Variants in STARD9 observed in about 807,000 individuals in gnomAD.
STARD9 encodes the protein StAR related lipid transfer domain containing 9, also known as stAR-related lipid transfer protein 9.
A neutral mutation model predicts 399.8 loss-of-function variants in STARD9; 346 were observed. That is an observed-to-expected ratio of 0.87 (90% CI 0.79 to 0.95). The LOEUF is 0.95. Ranked by LOEUF, STARD9 falls within the 40% of genes least tolerant of loss-of-function variation. STARD9 has a pLI of 0.00. For missense variants in STARD9, 5,832 were observed against 5,667.5 expected, an observed-to-expected ratio of 1.03 and a Z score of -0.93; for synonymous variants, 2,203 against 2,143.5, an observed-to-expected ratio of 1.03 and a Z score of -0.77.
intron 9 of STARD9, among the ~76,000 whole-genome samples, chr15:42,659,629 C>A (rs2059954983): frequency 6.6e-6 from 1 of 152,126 alleles, no homozygotes; most frequent in Non-Finnish European, 1.5e-5. Flanking sequence ...TGGCTTCATG[C>A]CATTTTCCTC....
At chr15:42,633,668 G>C (rs988957594) in intron 3 of STARD9, among the ~76,000 whole-genome samples, 1 of 148,274 alleles carries the variant, frequency 6.7e-6, no homozygotes, top group African/African-American at 2.5e-5. Context: ...TTTTGAGATG[G>C]AGTCTCACTC....
chr15:42,659,432 G>A (rs1053794915), intron 9 of STARD9, among the ~76,000 whole-genome samples: 5 of 152,206 alleles, frequency 3.3e-5, no homozygotes, highest in African/African-American at 4.8e-5. Flanking sequence ...AGCAAGTTGT[G>A]TAGGAGCAGG....
intron 26 of STARD9, among the ~76,000 whole-genome samples, chr15:42,704,624 C>A (rs1451225518): frequency 6.6e-6 from 1 of 152,192 alleles, no homozygotes; most frequent in African/African-American, 2.4e-5. Flanking sequence ...CTGTTACAGA[C>A]TCCAATGTCC....
chr15:42,685,501 C>T lies in STARD9; in HGVS notation c.3923C>T (p.Ser1308Leu). 1 of 1,536,264 alleles carries T rather than the reference C, an allele frequency of 6.5e-7. No homozygotes were observed. The highest frequency in any genetic ancestry group is 8.7e-7 in the Non-Finnish European group (1 of 1,146,264). ...CAGCCCCATTGTGAGCAGGCTGAAT[C>T]ACAGGTAGAGCCAAGCTACTCTGAA... ...ELQPHCEQAE[S>L]QVEPSYSEQA... is the part of the protein sequence containing the mutation. The change falls in exon 23 of 33, where the codon TCA (serine) becomes TTA (leucine). Residue 1308 changes from serine (S) to leucine (L), a missense_variant. Around this residue, in one of 2 missense-constraint regions of STARD9, gnomAD observed 5,828 missense variants for 5,651.1 expected, o/e 1.03. Coordinates refer to ENST00000290607, the MANE Select transcript of STARD9 (RefSeq NM_020759.3).
At position 42,688,768 on chromosome 15, in the gene STARD9, G is replaced by C; in HGVS notation, c.7190G>C (p.Arg2397Thr). The C allele has an allele frequency of 3.9e-6, 6 of 1,537,672 alleles. No individual in the cohort carries two copies. The highest frequency in any genetic ancestry group is 5.2e-6 in the Non-Finnish European group (6 of 1,147,008). Residue 2397 changes from arginine (R) to threonine (T), a missense_variant, in exon 23 of 33, where the codon AGA (arginine) becomes ACA (threonine). Physicochemically the swap from Arg to Thr is moderately conservative, Grantham distance 71. This residue lies in a region of STARD9 where 5,828 missense variants were observed against 5,651.1 expected (regional missense o/e 1.03). Transcript: ENST00000290607. ...TRSHSPEGNV[R>T]GRSSEAHTAW... ...AGCCACAGCCCCGAAGGAAATGTTA[G>C]AGGGCGTTCCTCTGAGGCACACACT... is the stretch of plus-strand genomic sequence containing the variant.
chr15:42,583,251 G>A lies in STARD9; in HGVS notation c.48-95G>A, dbSNP rs1006791224. On this transcript the variant is annotated intron_variant, in intron 1 of 32. Transcript: ENST00000290607. ...AGACGCTTCTCTTAAGGGTACAGCA[G>A]TAGGGAAATATTTTGTCCCACTAGC... 7.0e-6 allele frequency: 6 copies of A among 859,908 alleles called. No homozygotes were observed. The Admixed American group carries it at 7.6e-5, about 11-fold the overall frequency. 53.3% of individuals were successfully genotyped at this position (859,908 alleles called of 1,614,324 possible). A position where few individuals can be genotyped will look rare whatever the true frequency, so the allele number is the denominator to read the frequency against.
intron 3 of STARD9, among the ~76,000 whole-genome samples, chr15:42,600,038 T>C (rs996346754): frequency 1.3e-5 from 2 of 152,158 alleles, no homozygotes; most frequent in African/African-American, 4.8e-5. Flanking sequence ...GTACACCATG[T>C]GTTTGAGGGG....
rs1370001426 is a variant in STARD9 at position 42,687,726 on chromosome 15, C to G, written c.6148C>G (p.Leu2050Val). Residue 2050 changes from leucine (L) to valine (V), a missense_variant, in exon 23 of 33, where the codon CTA becomes GTA. Transcript: ENST00000290607. ...TAATAATACTGATGAAATGGCTAGG[C>G]TAATTAGGAGTGTAATGCAGCTGGA... ...RVNNTDEMAR[L>V]IRSVMQLENG... The G allele has an allele frequency of 6.5e-7, 1 of 1,537,400 alleles. No individual in the cohort carries two copies. The highest frequency in any genetic ancestry group is 1.2e-5 in the South Asian group (1 of 84,060).
intron 27 of STARD9, 77 bp from the exon 28 acceptor site, chr15:42,716,850 G>A: frequency 6.5e-7 from 1 of 1,528,356 alleles, no homozygotes; most frequent in East Asian, 2.4e-5. Flanking sequence ...GTGAGTCACT[G>A]GTCTGTGGGA....
At chr15:42,715,015 T>C (rs1342038809) in intron 26 of STARD9, among the ~76,000 whole-genome samples, 2 of 151,386 alleles carry the variant, frequency 1.3e-5, no homozygotes, top group East Asian at 3.9e-4. Context: ...AGTGAGAAAA[T>C]AGGGCCTAGG....
At chr15:42,620,130 C>G (rs2059057824) in intron 3 of STARD9, among the ~76,000 whole-genome samples, 1 of 152,158 alleles carries the variant, frequency 6.6e-6, no homozygotes, top group Non-Finnish European at 1.5e-5. Flanking sequence ...CTGGACTACT[C>G]TTTGTGGTTT....
intron 1 of STARD9, chr15:42,581,361 A>G (rs2058165402): frequency 5.5e-6 from 8 of 1,460,672 alleles, no homozygotes; most frequent in Non-Finnish European, 7.6e-6. Context: ...TGTGGTGGAG[A>G]AGAGCGTCCC....
intron 7 of STARD9, among the ~76,000 whole-genome samples, chr15:42,647,979 G>C (rs2059678088): frequency 2.0e-5 from 3 of 152,136 alleles, no homozygotes; most frequent in Non-Finnish European, 4.4e-5. Flanking sequence ...CTTCTTCCCA[G>C]ACAATAAACC....
intron 3 of STARD9, among the ~76,000 whole-genome samples, chr15:42,612,008 G>A (rs759546366): frequency 4.6e-5 from 7 of 152,122 alleles, no homozygotes; most frequent in Middle Eastern, 3.4e-3. Flanking sequence ...TCACTCTGTC[G>A]TCCAGGCTGG....
At chr15:42,651,985 C>G (rs1428265899) in intron 8 of STARD9, among the ~76,000 whole-genome samples, 1 of 152,192 alleles carries the variant, frequency 6.6e-6, no homozygotes, top group East Asian at 1.9e-4. Context: ...TGAATTCCGC[C>G]TGGCTTAAGC....
At chr15:42,626,078 C>T (rs1195462422) in intron 3 of STARD9, among the ~76,000 whole-genome samples, 1 of 152,028 alleles carries the variant, frequency 6.6e-6, no homozygotes, top group African/African-American at 2.4e-5. Context: ...CCTGCCACCA[C>T]GCCTGGCTAA....
At chr15:42,683,194 T>C (rs1343010657) in intron 22 of STARD9, among the ~76,000 whole-genome samples, 1 of 152,258 alleles carries the variant, frequency 6.6e-6, no homozygotes, top group Non-Finnish European at 1.5e-5. Context: ...TTCTTGTCCA[T>C]AGGACGTTCA....
Position 42,685,093 on chromosome 15 carries a change from G to T in STARD9, c.3515G>T (p.Arg1172Leu). Residue 1172 changes from arginine to leucine, a missense_variant, in exon 23 of 33, where the codon CGT becomes CTT. Physicochemically the swap from Arg to Leu is moderately radical, Grantham distance 102 (BLOSUM62 -2). Transcript: ENST00000290607. ...GGGGGCAATCGTCCCACCAACAACCGTGGCCAACCCAGGACCAGAACTAGA... is the reference window on the plus strand; with the variant it reads ...GGGGGCAATCGTCCCACCAACAACCTTGGCCAACCCAGGACCAGAACTAGA... ...RLGGNRPTNN[R>L]GQPRTRTRAS... 1 of 1,537,164 alleles carries T rather than the reference G, an allele frequency of 6.5e-7. No individual in the cohort carries two copies. The highest frequency in any genetic ancestry group is 8.7e-7 in the Non-Finnish European group (1 of 1,146,922).
rs2060745122 is a variant in STARD9, at chr15:42,692,827, C to T, written c.11249C>T (p.Ser3750Leu). 3 of 1,537,118 alleles carry T rather than the reference C, an allele frequency of 2.0e-6. No homozygotes were observed. The African/African-American group carries it at 4.1e-5, about 21-fold the overall frequency. The stretch of plus-strand genomic sequence containing the variant: ...TTACCCACCCTGTGCCTCCAGACTT[C>T]AGAGGCTGAACCTCAGGGAGCCAAT... ...LTLPTLCLQT[S>L]EAEPQGANVI... is the part of the protein sequence containing the mutation. The change falls in exon 23 of 33, where the codon TCA becomes TTA. Residue 3750 changes from serine to leucine, a missense_variant. Coordinates refer to ENST00000290607, the MANE Select transcript of STARD9 (RefSeq NM_020759.3).
Sources: allele counts gnomAD v4.1 joint callset (sites outside exome capture counted in the v4.1 genomes callset), GRCh38; gene constraint gnomAD v4.1.1; regional missense constraint gnomAD v4.1.1; transcripts MANE v1.5; gene names NCBI Gene and HGNC (gene_info 2026-07-23, HGNC 2026-07-21).